The following TRAF2 variants were observed in gnomAD, a reference collection of about 807,000 sequenced individuals.
TRAF2 encodes TNF receptor-associated factor 2.
TRAF2 carries 6 observed loss-of-function variants against 55.6 expected under a neutral mutation model. The observed-to-expected ratio is 0.11, with a 90% CI of 0.06 to 0.21. The LOEUF (loss-of-function observed/expected upper bound fraction) is 0.21. TRAF2 is among the 10% of genes least tolerant of loss of function. The pLI, the probability that TRAF2 is intolerant of heterozygous loss-of-function variation, is 1.00. For synonymous variants in TRAF2, 329 were observed against 276.3 expected (o/e 1.19, Z -1.89); for missense variants, 561 against 684.5 (o/e 0.82, Z 2.01).
At chr9:136,903,648 G>T (rs910175728) in intron 4 of TRAF2, among the ~76,000 whole-genome samples, 21 of 151,810 alleles carry the variant, frequency 1.4e-4, no homozygotes, top group Non-Finnish European at 2.9e-4. Context: ...GAGATTTCAA[G>T]TACCGAGTGC....
rs1019096282 is a variant in TRAF2 at position 136,925,848 on chromosome 9, G to A, written c.1453G>A (p.Val485Met). The change falls in exon 11 of 11, where the codon GTG becomes ATG. Residue 485 changes from valine (V) to methionine (M), a missense_variant. Around this residue, in one of 2 missense-constraint regions of TRAF2, gnomAD observed 135 missense variants for 207.7 expected, o/e 0.65. Coordinates refer to ENST00000247668, the MANE Select transcript of TRAF2 (RefSeq NM_021138.4). ...CAAGATGGAGGCAAAGAATTCCTAC[G>A]TGCGGGACGATGCCATCTTCATCAA... ...VSKMEAKNSY[V>M]RDDAIFIKAI... is the part of the protein sequence containing the mutation. 1.9e-5 allele frequency: 31 copies of A among 1,614,074 alleles called. No homozygotes were observed. The highest frequency in any genetic ancestry group is 8.9e-5 in the East Asian group (4 of 44,896).
intron 1 of TRAF2, among the ~76,000 whole-genome samples, chr9:136,893,392 G>A (rs1173032712): frequency 6.6e-6 from 1 of 152,228 alleles, no homozygotes; most frequent in Non-Finnish European, 1.5e-5. Context: ...GCTTTGGGGG[G>A]CAGACAGGTG....
In TRAF2 at chr9:136,898,948, T is replaced by G; in HGVS notation, c.188+20T>G. 1 of 1,584,930 alleles carries G rather than the reference T, an allele frequency of 6.3e-7. No homozygotes were observed. Among genetic ancestry groups the G allele is most frequent in the Non-Finnish European group, 8.6e-7 (1 of 1,166,318 alleles). On this transcript the variant is annotated intron_variant, in intron 2 of 10. Coordinates refer to ENST00000247668, the MANE Select transcript of TRAF2 (RefSeq NM_021138.4). ...CCTCAGGTGCATGGGGCCTGCAGGC[T>G]GGGAGGAGGGGCAGGCAGGCTAGGC...
rs71492143 is a variant in TRAF2 at position 136,911,846 on chromosome 9, CT to C, written c.603+1873del. Among the ~76,000 whole-genome samples, 695 of 71,404 alleles carry C rather than the reference CT, an allele frequency of 9.7e-3. 2 individuals are homozygous for C. The highest frequency in any genetic ancestry group is 0.014 in the Non-Finnish European group (585 of 41,434). 46.8% of individuals were successfully genotyped at this position (71,404 alleles called of 152,430 possible). ...GCGTGCTTGGGATTTTCTCTTATCT[CT>C]TTTTTTTTTTTTTTTTTTTTGAGAT... On this transcript the variant is annotated intron_variant, in intron 6 of 10. Coordinates refer to ENST00000247668, the MANE Select transcript of TRAF2 (RefSeq NM_021138.4).
In TRAF2 at chr9:136,920,236, A is replaced by G. The variant is rs753939331; in HGVS notation, c.681A>G (p.Val227=). Reference sequence around the variant, plus strand: ...GCCTCCCTGCCCTGTGTCCGCAGGTAGAGGGTGAGAAACAGCAGGAGCACG... The same window carrying G: ...GCCTCCCTGCCCTGTGTCCGCAGGTGGAGGGTGAGAAACAGCAGGAGCACG... The part of the protein sequence containing the change: ...RFHAIGCLET[V]EGEKQQEHEV... Residue 227 remains valine, a splice_region_variant and synonymous_variant, in exon 8 of 11, where the codon GTA becomes GTG. Transcript: ENST00000247668. The G allele has an allele frequency of 2.5e-6, 4 of 1,607,388 alleles. No individual in the cohort carries two copies. Among genetic ancestry groups the G allele is most frequent in the Non-Finnish European group, 1.7e-6 (2 of 1,176,670 alleles).
chr9:136,895,151 C>T (rs546301335), intron 1 of TRAF2, among the ~76,000 whole-genome samples: 73 of 152,110 alleles, frequency 4.8e-4, no homozygotes, highest in Admixed American at 1.0e-3. Context: ...CAAAACTTGC[C>T]GGTCCTGGGC....
intron 4 of TRAF2, among the ~76,000 whole-genome samples, chr9:136,903,116 A>AT (rs1489130918): frequency 1.3e-5 from 2 of 151,968 alleles, no homozygotes; most frequent in Admixed American, 6.6e-5. Flanking sequence ...CATCCGGCTA[A>AT]TTTTTTATAT....
chr9:136,921,848 C>CG (rs1178443725), intron 9 of TRAF2, among the ~76,000 whole-genome samples: 3 of 152,230 alleles, frequency 2.0e-5, no homozygotes, highest in East Asian at 1.9e-4. Context: ...AGTCCAGAGG[C>CG]GGCCCCCCTG....
chr9:136,926,057 G>C lies in TRAF2; in HGVS notation c.*156G>C. On this transcript the variant is annotated 3_prime_UTR_variant, in exon 11 of 11. Coordinates refer to ENST00000247668, the MANE Select transcript of TRAF2 (RefSeq NM_021138.4). ...GGCCTGCAGCCAAGTTCACTGTCACGGGGGAAGGAGCCACCAGCCAGTCCT... is the reference window on the plus strand; with the variant it reads ...GGCCTGCAGCCAAGTTCACTGTCACCGGGGAAGGAGCCACCAGCCAGTCCT... The C allele has an allele frequency of 1.1e-6, 1 of 908,140 alleles. No homozygotes were observed. The highest frequency in any genetic ancestry group is 1.8e-6 in the Non-Finnish European group (1 of 555,592). 56.3% of individuals were successfully genotyped at this position (908,140 alleles called of 1,614,324 possible). A position where few individuals can be genotyped will look rare whatever the true frequency, so the allele number is the denominator to read the frequency against.
upstream of TRAF2, among the ~76,000 whole-genome samples, chr9:136,883,552 T>C (rs572220885): frequency 1.3e-4 from 20 of 152,284 alleles, no homozygotes; most frequent in African/African-American, 4.8e-4. Flanking sequence ...AGTCTTGCTC[T>C]GTCACCCAGG....
intron 1 of TRAF2, 192 bp from the exon 2 acceptor site, chr9:136,898,521 A>G (rs1849738748): frequency 6.4e-6 from 6 of 937,618 alleles, no homozygotes; most frequent in Non-Finnish European, 7.6e-6. Flanking sequence ...TTTCCATACT[A>G]GCGGCGGGAG....
upstream of TRAF2, chr9:136,886,483 G>A: frequency 1.0e-6 from 1 of 1,004,378 alleles, no homozygotes; most frequent in Non-Finnish European, 1.2e-6. Context: ...GGCGGCGGCG[G>A]CGGCGTTGGG....
intron 7 of TRAF2, among the ~76,000 whole-genome samples, chr9:136,919,295 C>CTTTTTT (rs34390498): frequency 2.7e-4 from 24 of 90,206 alleles, no homozygotes; most frequent in African/African-American, 5.4e-4. Context: ...TTGTGGGTGG[C>CTTTTTT]TTTTTTTTTT....
chr9:136,905,197 G>A (rs889639766), intron 4 of TRAF2, among the ~76,000 whole-genome samples: 9 of 152,332 alleles, frequency 5.9e-5, no homozygotes, highest in Admixed American at 5.2e-4. Context: ...CCCATGAAGG[G>A]CCCCGCAGCC....
intron 4 of TRAF2, among the ~76,000 whole-genome samples, chr9:136,905,361 TAA>T (rs1156622892): frequency 2.6e-5 from 4 of 152,144 alleles, no homozygotes; most frequent in Admixed American, 2.0e-4. Context: ...CACAAGAAGA[TAA>T]AGACTGCGTG....
Position 136,920,283 on chromosome 9 carries a change from A to G in TRAF2, c.728A>G (p.His243Arg). Residue 243 changes from histidine (H) to arginine (R), a missense_variant, in exon 8 of 11, where the codon CAC becomes CGC. By Grantham distance (29) the His-to-Arg change is conservative. Coordinates refer to ENST00000247668, the MANE Select transcript of TRAF2 (RefSeq NM_021138.4). ...CACGAGGTGCAGTGGCTGCGGGAGC[A>G]CCTGGCCATGCTACTGAGCTCGGTG... ...QEHEVQWLRE[H>R]LAMLLSSVLE... is the part of the protein sequence containing the mutation. 2 of 1,613,586 alleles carry G rather than the reference A, an allele frequency of 1.2e-6. No homozygotes were observed. The highest frequency in any genetic ancestry group is 1.7e-6 in the Non-Finnish European group (2 of 1,179,978).
At chr9:136,907,106 C>A (rs1564412590) in intron 4 of TRAF2, among the ~76,000 whole-genome samples, 1 of 152,240 alleles carries the variant, frequency 6.6e-6, no homozygotes, top group East Asian at 1.9e-4. Context: ...TTCTTCCTGG[C>A]CTGGGTGTGG....
chr9:136,909,902 T>A lies in TRAF2; in HGVS notation c.529-18T>A. ...GCATTGGCGTCCACCCTCACACTCC[T>A]GATCCCTTCTTTTGAAGGCGCACCA... is the stretch of plus-strand genomic sequence containing the variant. On this transcript the variant is annotated intron_variant, in intron 5 of 10. Transcript: ENST00000247668. The A allele has an allele frequency of 1.2e-6, 2 of 1,614,026 alleles. No homozygotes were observed. The highest frequency in any genetic ancestry group is 1.7e-6 in the Non-Finnish European group (2 of 1,179,938).
chr9:136,904,704 G>T (rs1324961983), intron 4 of TRAF2, among the ~76,000 whole-genome samples: 1 of 152,000 alleles, frequency 6.6e-6, no homozygotes, highest in African/African-American at 2.4e-5. Flanking sequence ...CACCGCGCCT[G>T]GCCTAAAGAA....
Sources: allele counts gnomAD v4.1 joint callset (sites outside exome capture counted in the v4.1 genomes callset), GRCh38; gene constraint gnomAD v4.1.1; regional missense constraint gnomAD v4.1.1; transcripts MANE v1.5; gene names NCBI Gene and HGNC (gene_info 2026-07-23, HGNC 2026-07-21).